The following ZNF112 variants were observed in gnomAD, a reference collection of about 807,000 sequenced individuals.
ZNF112 encodes the protein zinc finger protein 112 (Y14).
Under a neutral mutation model 77.7 loss-of-function variants are expected in ZNF112, and 37 were observed. The ratio of observed to expected loss-of-function variants is 0.48; its 90% CI spans 0.37 to 0.63. ZNF112 has a LOEUF of 0.63. Ranked by LOEUF, ZNF112 falls within the 20% of genes least tolerant of loss-of-function variation. ZNF112 has a pLI of 0.00. For missense variants in ZNF112, 950 were observed against 1,077.4 expected (o/e 0.88, Z 1.66); for synonymous variants, 333 against 363.6 (o/e 0.92, Z 0.96).
Position 44,340,402 on chromosome 19 carries a change from GCACCTATCCT to G in ZNF112, c.124+4_124+13del. The G allele has an allele frequency of 6.2e-7, 1 of 1,612,536 alleles. No homozygotes were observed. The highest frequency in any genetic ancestry group is 1.7e-5 in the Admixed American group (1 of 59,540). ...GGAGGCTGCCATTGAGTAACTAAGG[GCACCTATCCT>G]CACCTACTAAGAGCAGGTTCCTGAA... On this transcript the variant is annotated splice_donor_5th_base_variant and intron_variant, in intron 2 of 3. Coordinates refer to ENST00000354340, the MANE Select transcript of ZNF112 (RefSeq NM_013380.4).
intron 2 of ZNF112, among the ~76,000 whole-genome samples, chr19:44,337,386 TA>T (rs1970396079): frequency 5.9e-5 from 3 of 50,842 alleles, no homozygotes; most frequent in African/African-American, 1.5e-4. Context: ...TTATATATAA[TA>T]ATATATATAA....
Position 44,327,393 on chromosome 19 carries a change from A to C in ZNF112, c.*40T>G. On this transcript the variant is annotated 3_prime_UTR_variant, in exon 4 of 4. Transcript: ENST00000354340. ...TAAAAATTCTTTTTCTACTGAAAGA[A>C]CTCTAGTGACTGGAAAATTTCAGCT... is the stretch of plus-strand genomic sequence containing the variant. 1 of 1,497,550 alleles carries C rather than the reference A, an allele frequency of 6.7e-7. No homozygotes were observed. The highest frequency in any genetic ancestry group is 9.0e-7 in the Non-Finnish European group (1 of 1,113,642). The allele number at this position is 1,497,550 out of a possible 1,614,324, so 92.8% of individuals were successfully genotyped here.
In ZNF112 at chr19:44,340,390, G is replaced by T. The variant is rs775751011; in HGVS notation, c.124+26C>A. 2.5e-6 allele frequency: 4 copies of T among 1,610,292 alleles called. No individual in the cohort carries two copies. The Admixed American group carries it at 6.8e-5, about 27-fold the overall frequency. On this transcript the variant is annotated intron_variant, in intron 2 of 3. Coordinates refer to ENST00000354340, the MANE Select transcript of ZNF112 (RefSeq NM_013380.4). Reference sequence around the variant, plus strand: ...AAAGACACCCCAGGAGGCTGCCATTGAGTAACTAAGGGCACCTATCCTCAC... The same window carrying T: ...AAAGACACCCCAGGAGGCTGCCATTTAGTAACTAAGGGCACCTATCCTCAC...
At chr19:44,343,482 AT>A (rs1970530622) in intron 1 of ZNF112, among the ~76,000 whole-genome samples, 1 of 152,234 alleles carries the variant, frequency 6.6e-6, no homozygotes, top group Non-Finnish European at 1.5e-5. Context: ...GGGTGCCCGC[AT>A]GCACGGAGCA....
At chr19:44,364,945 T>G (rs943521056) in intron 1 of ZNF112, among the ~76,000 whole-genome samples, 6 of 152,290 alleles carry the variant, frequency 3.9e-5, no homozygotes, top group Admixed American at 1.3e-4. Flanking sequence ...TCCTTATAAT[T>G]TCTTTGTCTT....
chr19:44,348,085 TATATA>T (rs1383757231), intron 1 of ZNF112, among the ~76,000 whole-genome samples: 3 of 152,176 alleles, frequency 2.0e-5, no homozygotes, highest in African/African-American at 7.2e-5. Context: ...TTCTACCAGA[TATATA>T]ATATGTCATT....
intron 3 of ZNF112, among the ~76,000 whole-genome samples, chr19:44,334,437 A>G (rs1568663493): frequency 6.6e-6 from 1 of 152,258 alleles, no homozygotes; most frequent in Non-Finnish European, 1.5e-5. Flanking sequence ...TTTTCTGGGG[A>G]GAAATTCAAG....
intron 1 of ZNF112, among the ~76,000 whole-genome samples, chr19:44,342,830 A>G (rs1389299055): frequency 6.6e-6 from 1 of 151,888 alleles, no homozygotes; most frequent in Non-Finnish European, 1.5e-5. Context: ...AAAAAAAGAA[A>G]AAGAAAAAGA....
chr19:44,342,283 T>C (rs1259363584), intron 1 of ZNF112, among the ~76,000 whole-genome samples: 1 of 152,180 alleles, frequency 6.6e-6, no homozygotes, highest in Non-Finnish European at 1.5e-5. Context: ...ACATCTATTT[T>C]TCCCCCAACC....
rs112768688 is a variant in ZNF112, at chr19:44,327,611, T to C, written c.2546A>G (p.His849Arg). The C allele has an allele frequency of 6.2e-7, 1 of 1,614,134 alleles. No individual in the cohort carries two copies. The highest frequency in any genetic ancestry group is 8.5e-7 in the Non-Finnish European group (1 of 1,179,990). ...ACATTTGTATGGTTTCTCTCCTGTG[T>C]GGACTCTCTGGTGAGCCTGAAGATT... ...RSNLQAHQRV[H>R]TGEKPYKCDA... The change falls in exon 4 of 4, where the codon CAC becomes CGC. Residue 849 changes from histidine to arginine, a missense_variant. Transcript: ENST00000354340.
chr19:44,358,808 C>G (rs1970824678), upstream of ZNF112, among the ~76,000 whole-genome samples: 1 of 152,122 alleles, frequency 6.6e-6, no homozygotes, highest in Non-Finnish European at 1.5e-5. Context: ...ACCCACCATT[C>G]TTCACTCTGC....
chr19:44,349,379 G>A (rs922245726), intron 1 of ZNF112, among the ~76,000 whole-genome samples: 9 of 151,790 alleles, frequency 5.9e-5, no homozygotes, highest in Non-Finnish European at 1.2e-4. Flanking sequence ...AAAAAAAACA[G>A]AAAAACAGAC....
intron 2 of ZNF112, among the ~76,000 whole-genome samples, chr19:44,338,399 T>C (rs1354984407): frequency 6.6e-6 from 1 of 152,094 alleles, no homozygotes; most frequent in Non-Finnish European, 1.5e-5. Flanking sequence ...TACCCGATGA[T>C]TACAAATGGG....
intron 1 of ZNF112, among the ~76,000 whole-genome samples, chr19:44,366,597 C>G (rs1970906789): frequency 6.6e-6 from 1 of 152,088 alleles, no homozygotes; most frequent in African/African-American, 2.4e-5. Context: ...CTGCACGAAT[C>G]ACAGAGGACA....
intron 2 of ZNF112, among the ~76,000 whole-genome samples, chr19:44,337,369 A>G (rs1255873907): frequency 1.7e-5 from 1 of 57,754 alleles, no homozygotes; most frequent in African/African-American, 8.1e-5. Context: ...ATATTATTAT[A>G]TATATTTTAT....
Position 44,328,601 on chromosome 19 carries a change from T to C in ZNF112, c.1556A>G (p.Tyr519Cys), listed in dbSNP as rs770438838. ...HQRVHTGQKP[Y>C]KCNICGKGFN... ...ACCTTTGCCGCATATATTGCATTTG[T>C]ATGGCTTCTGTCCAGTGTGGACTCT... Residue 519 changes from tyrosine (Y) to cysteine (C), a missense_variant, in exon 4 of 4, where the codon TAC (tyrosine) becomes TGC (cysteine). Transcript: ENST00000354340. The C allele has an allele frequency of 3.7e-6, 6 of 1,613,924 alleles. No individual in the cohort carries two copies. The Admixed American group carries it at 5.0e-5, about 13-fold the overall frequency.
intron 1 of ZNF112, among the ~76,000 whole-genome samples, chr19:44,342,175 A>T (rs763908022): frequency 6.6e-6 from 1 of 152,232 alleles, no homozygotes; most frequent in Non-Finnish European, 1.5e-5. Flanking sequence ...AATGAAACAC[A>T]CACAGACATA....
Position 44,326,614 on chromosome 19 carries a change from A to C in ZNF112, c.*819T>G, listed in dbSNP as rs1029164068. The C allele has an allele frequency of 2.6e-5, 4 of 152,212 alleles. No homozygotes were observed. Among genetic ancestry groups the C allele is most frequent in the Non-Finnish European group, 5.9e-5 (4 of 68,018 alleles). The allele number at this position is 152,212 out of a possible 1,614,324, so 9.4% of individuals were successfully genotyped here. On this transcript the variant is annotated 3_prime_UTR_variant, in exon 4 of 4. Transcript: ENST00000354340. ...ATCAGTAACCATTTTGGATACTTGCAAATATTACAGTAAAACTCTGCCTTA... is the reference window on the plus strand; with the variant it reads ...ATCAGTAACCATTTTGGATACTTGCCAATATTACAGTAAAACTCTGCCTTA...
chr19:44,354,807 G>A (rs1009751639), intron 1 of ZNF112, among the ~76,000 whole-genome samples: 1 of 152,176 alleles, frequency 6.6e-6, no homozygotes, highest in South Asian at 2.1e-4. Context: ...TAAGACTTAG[G>A]CAAGGCAAAC....
Sources: allele counts gnomAD v4.1 joint callset (sites outside exome capture counted in the v4.1 genomes callset), GRCh38; gene constraint gnomAD v4.1.1; transcripts MANE v1.5; gene names NCBI Gene and HGNC (gene_info 2026-07-23, HGNC 2026-07-21).